MPPE1: variants seen among roughly 807,000 people sequenced by gnomAD.
MPPE1 encodes metallophosphoesterase 1.
A neutral mutation model predicts 43.8 loss-of-function variants in MPPE1; 28 were observed. That is an observed-to-expected ratio of 0.64 (90% CI 0.47 to 0.88). The LOEUF is 0.88. Ranked by LOEUF, MPPE1 falls within the 40% of genes least tolerant of loss-of-function variation. The probability of loss-of-function intolerance (pLI) is 0.00; values close to 1 mark genes in which losing one functional copy is unlikely to be tolerated. For missense variants in MPPE1, 428 were observed against 492.2 expected (o/e 0.87, Z 1.23); for synonymous variants, 159 against 188.5 (o/e 0.84, Z 1.28).
intron 5 of MPPE1, among the ~76,000 whole-genome samples, chr18:11,889,127 A>G (rs549592612): frequency 6.6e-6 from 1 of 152,332 alleles, no homozygotes; most frequent in African/African-American, 2.4e-5. Context: ...CCCAAAGACA[A>G]TAATTGGCCA....
At chr18:11,896,312 G>A (rs2038611362) in intron 3 of MPPE1, among the ~76,000 whole-genome samples, 1 of 151,778 alleles carries the variant, frequency 6.6e-6, no homozygotes, top group South Asian at 2.1e-4. Flanking sequence ...ATGTTGGCCA[G>A]GCTGGTCTTG....
At chr18:11,889,294 C>T (rs2037692292) in intron 5 of MPPE1, 93 bp downstream of exon 5, 1 of 784,700 alleles carries the variant, frequency 1.3e-6, no homozygotes. Context: ...AATTTCAAGA[C>T]AGCACAAATA....
chr18:11,897,134 A>G lies in MPPE1; in HGVS notation c.131T>C (p.Leu44Ser). The G allele has an allele frequency of 7.0e-7, 1 of 1,430,176 alleles. No individual in the cohort carries two copies. Among genetic ancestry groups the G allele is most frequent in the Non-Finnish European group, 9.7e-7 (1 of 1,026,148 alleles). The allele number at this position is 1,430,176 out of a possible 1,614,324, so 88.6% of individuals were successfully genotyped here. A position where few individuals can be genotyped will look rare whatever the true frequency, so the allele number is the denominator to read the frequency against. The change falls in exon 3 of 11, where the codon TTA becomes TCA. Residue 44 changes from leucine to serine, a missense_variant. Transcript: ENST00000588072. Reference protein sequence around the residue: ...LLFCEFLIYYLAIFQCNWPEV... With the variant: ...LLFCEFLIYYSAIFQCNWPEV... The stretch of plus-strand genomic sequence containing the variant: ...AGGCCAATTACACTGAAAGATCGCT[A>G]AGTAATAGATTAAAAATTCACAAAA...
In MPPE1 at chr18:11,886,938, G is replaced by C. The variant is rs769045309; in HGVS notation, c.657C>G (p.His219Gln). The stretch of plus-strand genomic sequence containing the variant: ...CTACCTCTCGGGAGCAGTTCAGTCT[G>C]TGAGAAACTTCAATGAGCTCTGCTT... The part of the protein sequence containing the change: ...ETEAELIEVS[H>Q]RLNCSREARG... The change falls in exon 7 of 11, where the codon CAC becomes CAG. Residue 219 changes from histidine to glutamine, a missense_variant. By Grantham distance (24) the His-to-Gln change is conservative. Around this residue, in one of 3 missense-constraint regions of MPPE1, gnomAD observed 379 missense variants for 402.5 expected, o/e 0.94. Transcript: ENST00000588072. The surrounding 1 kb of genome is among the most constrained non-coding windows in gnomAD (Gnocchi z 4.1). 6.2e-7 allele frequency: 1 copy of C among 1,613,442 alleles called. No homozygotes were observed. The highest frequency in any genetic ancestry group is 1.1e-5 in the South Asian group (1 of 91,064).
At chr18:11,885,887 G>A (rs770211370) in intron 9 of MPPE1, 71 bp from the exon 10 acceptor site, 3 of 1,436,080 alleles carry the variant, frequency 2.1e-6, no homozygotes, top group Non-Finnish European at 2.8e-6. Context: ...CCGCTCAGCA[G>A]ACGGCCGCTG....
chr18:11,893,558 T>G lies in MPPE1; in HGVS notation c.300A>C (p.Arg100Ser), dbSNP rs1442576373. The G allele has an allele frequency of 1.2e-6, 2 of 1,614,090 alleles. No individual in the cohort carries two copies. The highest frequency in any genetic ancestry group is 1.1e-5 in the South Asian group (1 of 91,068). The stretch of plus-strand genomic sequence containing the variant: ...GCAACCACAGAGCTGTCTGGAACGC[T>G]CTCTCCATCTGCCATTCCCTTGATG... ...DKLRREWQME[R>S]AFQTALWLLQ... The change falls in exon 4 of 11, where the codon AGA becomes AGC. Residue 100 changes from arginine (R) to serine (S), a missense_variant. Arg to Ser is a moderately radical substitution (Grantham distance 110). Transcript: ENST00000588072.
In MPPE1 at chr18:11,886,992, C is replaced by T. The variant is rs781205470; in HGVS notation, c.603G>A (p.Gly201=). ...TTTCAGAGCAGATGCCACAGCCATC[C>T]CCGTTCAGCGCCACGCTGTTGACCA... ...FVMVNSVALN[G]DGCGICSETE... Residue 201 remains glycine, a synonymous_variant, in exon 7 of 11, where the codon GGG becomes GGA. Coordinates refer to ENST00000588072, the MANE Select transcript of MPPE1 (RefSeq NM_023075.6). The surrounding 1 kb of genome is among the most constrained non-coding windows in gnomAD (Gnocchi z 4.1). 6.2e-7 allele frequency: 1 copy of T among 1,613,864 alleles called. No homozygotes were observed. The highest frequency in any genetic ancestry group is 1.7e-5 in the Admixed American group (1 of 60,006).
intron 2 of MPPE1, among the ~76,000 whole-genome samples, chr18:11,904,319 A>T (rs200593307): frequency 0.022 from 1,752 of 79,664 alleles, 44 homozygotes; most frequent in African/African-American, 0.095. Flanking sequence ...TTATTTATTT[A>T]TTTATTTTTT....
At chr18:11,898,560 TTG>T (rs1253947646) in intron 2 of MPPE1, among the ~76,000 whole-genome samples, 2 of 152,204 alleles carry the variant, frequency 1.3e-5, no homozygotes, top group Non-Finnish European at 2.9e-5. Flanking sequence ...TAACAAAGAT[TTG>T]TGACTTCCTT....
intron 4 of MPPE1, 116 bp from the exon 5 acceptor site, chr18:11,889,606 A>G: frequency 1.5e-6 from 1 of 653,438 alleles, no homozygotes; most frequent in South Asian, 2.1e-5. Flanking sequence ...CTCTGTCTCC[A>G]GGCTGAAGTG....
intron 3 of MPPE1, among the ~76,000 whole-genome samples, chr18:11,896,518 C>A (rs1334828132): frequency 6.6e-6 from 1 of 152,186 alleles, no homozygotes; most frequent in African/African-American, 2.4e-5. Flanking sequence ...CACAAATCTG[C>A]TCTGCTCCTC....
rs1485410104 is a variant in MPPE1, at chr18:11,886,304, G to C, written c.867+195C>G. 5.4e-6 allele frequency: 3 copies of C among 559,002 alleles called. No homozygotes were observed. The highest frequency in any genetic ancestry group is 9.0e-6 in the Non-Finnish European group (3 of 334,104). 34.6% of individuals were successfully genotyped at this position (559,002 alleles called of 1,614,324 possible). ...GTAGGAAACAGAAGTAGGTTTACTG[G>C]AAAAAAAAAAAGCGATTAAATGAAA... On this transcript the variant is annotated intron_variant, in intron 9 of 10. Transcript: ENST00000588072. This position sits in a 1 kb window ranked among gnomAD's most constrained non-coding sequence, Gnocchi z 4.1.
In MPPE1 at chr18:11,908,252, C is replaced by G. The variant is rs930805097; in HGVS notation, c.-251G>C. 1.3e-5 allele frequency: 2 copies of G among 152,254 alleles called. No individual in the cohort carries two copies. The highest frequency in any genetic ancestry group is 2.9e-5 in the Non-Finnish European group (2 of 68,056). 9.4% of individuals were successfully genotyped at this position (152,254 alleles called of 1,614,324 possible). A position where few individuals can be genotyped will look rare whatever the true frequency, so the allele number is the denominator to read the frequency against. ...ACAACGCCAGGCAGATGGGGAGCAC[C>G]GGGCGGTGCGGGAGCCCTTTCACCA... is the stretch of plus-strand genomic sequence containing the variant. On this transcript the variant is annotated 5_prime_UTR_variant, in exon 1 of 11. Transcript: ENST00000588072.
At chr18:11,895,759 C>A (rs1462804997) in intron 3 of MPPE1, among the ~76,000 whole-genome samples, 1 of 152,076 alleles carries the variant, frequency 6.6e-6, no homozygotes, top group Non-Finnish European at 1.5e-5. Flanking sequence ...GAAATGAGGT[C>A]TTGCCACGTT....
At chr18:11,904,182 A>G (rs80059233) in intron 2 of MPPE1, among the ~76,000 whole-genome samples, 4,900 of 106,098 alleles carry the variant, frequency 0.046, 254 homozygotes, top group African/African-American at 0.14. Flanking sequence ...AGAGAAGAGC[A>G]GAAGGGGATG....
intron 2 of MPPE1, among the ~76,000 whole-genome samples, chr18:11,898,546 G>C (rs2038828352): frequency 1.3e-5 from 2 of 152,292 alleles, no homozygotes; most frequent in Admixed American, 1.3e-4. Context: ...CATGAGGCCA[G>C]AGGTAACAAA....
At chr18:11,898,119 A>G (rs1349458825) in intron 2 of MPPE1, among the ~76,000 whole-genome samples, 2 of 152,294 alleles carry the variant, frequency 1.3e-5, no homozygotes, top group East Asian at 3.9e-4. Flanking sequence ...CCCAGGCTGG[A>G]GTGCAGTGGT....
At chr18:11,899,930 G>C (rs1340820025) in intron 2 of MPPE1, among the ~76,000 whole-genome samples, 1 of 151,926 alleles carries the variant, frequency 6.6e-6, no homozygotes, top group Non-Finnish European at 1.5e-5. Context: ...CCCCATTCCT[G>C]GCTGGGTGCA....
At chr18:11,893,627 G>A (rs1325325232) in intron 3 of MPPE1, 51 bp from the exon 4 acceptor site, 2 of 1,443,612 alleles carry the variant, frequency 1.4e-6, no homozygotes, top group Non-Finnish European at 9.7e-7. Flanking sequence ...CTAGGTGGAG[G>A]CTACTTCTGT....
Sources: allele counts gnomAD v4.1 joint callset (sites outside exome capture counted in the v4.1 genomes callset), GRCh38; gene constraint gnomAD v4.1.1; regional missense constraint gnomAD v4.1.1; non-coding constraint Gnocchi (gnomAD v3.1); transcripts MANE v1.5; gene names NCBI Gene and HGNC (gene_info 2026-07-23, HGNC 2026-07-21).